LONP1: variants seen among roughly 807,000 people sequenced by gnomAD.
The protein encoded by LONP1 is lon protease homolog, mitochondrial.
LONP1 carries 31 observed loss-of-function variants against 98.5 expected under a neutral mutation model. That is an observed-to-expected ratio of 0.31 (90% CI 0.24 to 0.42). The LOEUF (loss-of-function observed/expected upper bound fraction) is 0.42, where lower values mean the gene tolerates loss of function less well. LONP1 is among the 20% of genes least tolerant of loss of function. The probability of loss-of-function intolerance (pLI) is 1.00; values close to 1 mark genes in which losing one functional copy is unlikely to be tolerated. For missense variants in LONP1, 1,336 were observed against 1,350.6 expected (o/e 0.99, Z 0.17); for synonymous variants, 781 against 594.7 (o/e 1.31, Z -4.56).
chr19:5,704,489 G>A (rs116853139), intron 8 of LONP1, among the ~76,000 whole-genome samples: 2,397 of 152,276 alleles, frequency 0.016, 42 homozygotes, highest in East Asian at 0.035. Flanking sequence ...TGGGCCAGCA[G>A]CCAGGAAAGA....
chr19:5,699,304 G>A (rs1311789181), intron 9 of LONP1, 99 bp from the exon 10 acceptor site: 2 of 1,014,160 alleles, frequency 2.0e-6, no homozygotes, highest in Non-Finnish European at 2.7e-6. Context: ...GACGTCTGAG[G>A]GCTGCGAGAA....
intron 1 of LONP1, chr19:5,717,511 C>T (rs1275577144): frequency 1.3e-5 from 2 of 152,318 alleles, no homozygotes; most frequent in African/African-American, 4.8e-5. Flanking sequence ...TCTGAACTCT[C>T]TTAGAAGAAT....
In LONP1 at chr19:5,691,976, T is replaced by TCACTTCTGGCCCAGACAGGGCCTGACATC; in HGVS notation, c.*55_*56insGATGTCAGGCCCTGTCTGGGCCAGAAGTG. The TCACTTCTGGCCCAGACAGGGCCTGACATC allele has an allele frequency of 1.3e-6, 2 of 1,536,482 alleles. No individual in the cohort carries two copies. The highest frequency in any genetic ancestry group is 1.8e-6 in the Non-Finnish European group (2 of 1,135,666). Reference sequence around the variant, plus strand: ...GGTCCGGGCGCGCTCCCCACAGCGCTCAGTTCTGGCCCAGACAGGGCCTGA... The same window carrying TCACTTCTGGCCCAGACAGGGCCTGACATC: ...GGTCCGGGCGCGCTCCCCACAGCGCTCACTTCTGGCCCAGACAGGGCCTGACATCCAGTTCTGGCCCAGACAGGGCCTGA... On this transcript the variant is annotated 3_prime_UTR_variant, in exon 18 of 18. Transcript: ENST00000360614.
intron 10 of LONP1, among the ~76,000 whole-genome samples, chr19:5,698,785 C>T (rs906424050): frequency 1.3e-5 from 2 of 152,210 alleles, no homozygotes; most frequent in Non-Finnish European, 2.9e-5. Flanking sequence ...AGGGCCGGCC[C>T]GAGAAGTCTC....
chr19:5,691,976 T>TGTTCTGGCCCAGACAGGGCCTGACATC lies in LONP1; in HGVS notation c.*55_*56insGATGTCAGGCCCTGTCTGGGCCAGAAC. On this transcript the variant is annotated 3_prime_UTR_variant, in exon 18 of 18. Transcript: ENST00000360614. ...GGTCCGGGCGCGCTCCCCACAGCGC[T>TGTTCTGGCCCAGACAGGGCCTGACATC]CAGTTCTGGCCCAGACAGGGCCTGA... is the stretch of plus-strand genomic sequence containing the variant. 1.3e-6 allele frequency: 2 copies of TGTTCTGGCCCAGACAGGGCCTGACATC among 1,536,484 alleles called. No homozygotes were observed. Among genetic ancestry groups the TGTTCTGGCCCAGACAGGGCCTGACATC allele is most frequent in the Middle Eastern group, 1.8e-4 (1 of 5,566 alleles).
rs965465628 is a variant in LONP1, at chr19:5,713,058, G to A, written c.638+76C>T. ...ACGGACAGGGCAGAGGCTGATGCTGGGGCATAAGGCATCCTGGCTGGTCTC... is the reference window on the plus strand; with the variant it reads ...ACGGACAGGGCAGAGGCTGATGCTGAGGCATAAGGCATCCTGGCTGGTCTC... On this transcript the variant is annotated intron_variant, in intron 3 of 17. Coordinates refer to ENST00000360614, the MANE Select transcript of LONP1 (RefSeq NM_004793.4). 3.1e-6 allele frequency: 5 copies of A among 1,596,478 alleles called. No homozygotes were observed. The African/African-American group carries it at 5.4e-5, about 17-fold the overall frequency.
chr19:5,710,217 T>C (rs2055215943), intron 4 of LONP1, among the ~76,000 whole-genome samples: 1 of 151,354 alleles, frequency 6.6e-6, no homozygotes, highest in African/African-American at 2.4e-5. Context: ...CCCGAGTAGC[T>C]GGGATTACAG....
chr19:5,720,394 C>T, upstream of LONP1: 1 of 596,104 alleles, frequency 1.7e-6, no homozygotes, highest in South Asian at 2.3e-5. Context: ...CCGTACAAAA[C>T]ACTGGTAGTG....
chr19:5,694,666 C>T (rs2054893325), intron 14 of LONP1, 95 bp downstream of exon 14: 2 of 1,563,714 alleles, frequency 1.3e-6, no homozygotes, highest in Non-Finnish European at 1.7e-6. Context: ...GTGATGGGCG[C>T]AGGAAAGTGG....
At position 5,696,585 on chromosome 19, in the gene LONP1, G is replaced by A. The variant is rs981976559; in HGVS notation, c.1773+85C>T. On this transcript the variant is annotated intron_variant, in intron 11 of 17. Transcript: ENST00000360614. ...ACGGCGATGGCCCCTGAGTTGGCTCGGGGATCCTAGGACCCGGAAGGCTCG... is the reference window on the plus strand; with the variant it reads ...ACGGCGATGGCCCCTGAGTTGGCTCAGGGATCCTAGGACCCGGAAGGCTCG... 54 of 1,431,148 alleles carry A rather than the reference G, an allele frequency of 3.8e-5. No individual in the cohort carries two copies. The Admixed American group carries it at 6.1e-4, about 16-fold the overall frequency. The allele number at this position is 1,431,148 out of a possible 1,614,324, so 88.7% of individuals were successfully genotyped here.
intron 1 of LONP1, among the ~76,000 whole-genome samples, chr19:5,715,919 G>A (rs2055311188): frequency 6.6e-6 from 1 of 151,936 alleles, no homozygotes; most frequent in Non-Finnish European, 1.5e-5. Flanking sequence ...CACATCATAT[G>A]CTGTTCATTA....
At chr19:5,696,426 C>A in intron 11 of LONP1, 55 bp from the exon 12 acceptor site, 1 of 1,591,692 alleles carries the variant, frequency 6.3e-7, no homozygotes, top group South Asian at 1.1e-5. Flanking sequence ...CCAGCCCGCC[C>A]AGTGGGGAGA....
intron 8 of LONP1, among the ~76,000 whole-genome samples, chr19:5,702,949 C>T (rs994970334): frequency 2.7e-5 from 4 of 150,642 alleles, no homozygotes; most frequent in African/African-American, 9.8e-5. Context: ...TGCTGACCCT[C>T]CCTCCACTAT....
At chr19:5,702,047 C>T (rs1387138346) in intron 8 of LONP1, among the ~76,000 whole-genome samples, 2 of 151,504 alleles carry the variant, frequency 1.3e-5, no homozygotes, top group Non-Finnish European at 2.9e-5. Flanking sequence ...GCGTCTCCGC[C>T]CAGCAGCCAC....
At chr19:5,710,854 C>G (rs1023713554) in intron 4 of LONP1, among the ~76,000 whole-genome samples, 9 of 152,018 alleles carry the variant, frequency 5.9e-5, no homozygotes, top group East Asian at 1.9e-4. Context: ...GGTAAAACCT[C>G]GTCTCTACTA....
At chr19:5,699,513 G>C (rs551852717) in intron 9 of LONP1, among the ~76,000 whole-genome samples, 2 of 151,846 alleles carry the variant, frequency 1.3e-5, no homozygotes, top group South Asian at 4.1e-4. Context: ...CACTCTCTCC[G>C]GTCCAACCCA....
intron 1 of LONP1, among the ~76,000 whole-genome samples, chr19:5,716,259 C>CATATACAT (rs2055317993): frequency 1.3e-5 from 1 of 77,234 alleles, no homozygotes; most frequent in South Asian, 6.1e-4. Context: ...TTAAAATATA[C>CATATACAT]ATATATATAT....
intron 4 of LONP1, 52 bp from the exon 5 acceptor site, chr19:5,708,455 GTGGGCT>G: frequency 7.9e-7 from 1 of 1,261,822 alleles, no homozygotes; most frequent in East Asian, 2.4e-5. Flanking sequence ...CCAGCAGGGG[GTGGGCT>G]GGGTGGGAGC....
intron 17 of LONP1, 123 bp from the exon 18 acceptor site, chr19:5,692,331 G>C (rs970558664): frequency 2.0e-6 from 2 of 984,378 alleles, no homozygotes; most frequent in Non-Finnish European, 1.5e-6. Context: ...GTTCTAAGCA[G>C]TAAGTCCCAA....
Sources: gnomAD v4.1 joint callset for allele counts (sites outside exome capture counted in the v4.1 genomes callset) on GRCh38, gnomAD v4.1.1 for gene constraint, MANE v1.5 for transcripts, NCBI Gene and HGNC (gene_info 2026-07-23, HGNC 2026-07-21) for gene names.